PRKCH: variants seen among roughly 807,000 people sequenced by gnomAD.
PRKCH encodes protein kinase C eta type.
Under a neutral mutation model 82.5 loss-of-function variants are expected in PRKCH, and 28 were observed. The ratio of observed to expected loss-of-function variants is 0.34; its 90% CI spans 0.25 to 0.47. The LOEUF is 0.47. PRKCH is among the 20% of genes least tolerant of loss of function. The probability of loss-of-function intolerance (pLI) is 1.00; values close to 1 mark genes in which losing one functional copy is unlikely to be tolerated. For missense variants in PRKCH, 705 were observed against 881.8 expected (o/e 0.80, Z 2.54); for synonymous variants, 322 against 327.4 (o/e 0.98, Z 0.18).
Position 61,428,934 on chromosome 14 carries a change from T to A in PRKCH, c.428-14177T>A, listed in dbSNP as rs143508971. Among the ~76,000 whole-genome samples, 271 of 152,310 alleles carry A rather than the reference T, an allele frequency of 1.8e-3. 5 individuals carry two copies. The East Asian group carries it at 0.039, about 22-fold the overall frequency. ...TGGAGCAAGATATGTGTAACTATAG[T>A]TTTTTCTTTTTTTGCTTAGATGGTT... On this transcript the variant is annotated intron_variant, in intron 2 of 13. Transcript: ENST00000332981.
chr14:61,210,160 A>G (rs1210418317), intron 1 of PRKCH, among the ~76,000 whole-genome samples: 6 of 112,312 alleles, frequency 5.3e-5, no homozygotes, highest in African/African-American at 2.1e-4. Flanking sequence ...ATATATATAT[A>G]TAAATTAGCT....
At chr14:61,346,483 T>A (rs2045993820) in intron 1 of PRKCH, among the ~76,000 whole-genome samples, 1 of 152,230 alleles carries the variant, frequency 6.6e-6, no homozygotes. Flanking sequence ...AATGGTCTTA[T>A]TTTCCCTTTT....
chr14:61,317,977 G>T (rs546064264), upstream of PRKCH, among the ~76,000 whole-genome samples: 2 of 152,130 alleles, frequency 1.3e-5, no homozygotes, highest in Non-Finnish European at 2.9e-5. Context: ...CTGCTTAAAT[G>T]TATCAAGATA....
chr14:61,267,294 G>A (rs759246424), intron 1 of PRKCH, among the ~76,000 whole-genome samples: 1 of 152,150 alleles, frequency 6.6e-6, no homozygotes, highest in African/African-American at 2.4e-5. Context: ...AGAGTACAGC[G>A]AGATGTAATG....
chr14:61,434,397 G>A (rs1883574952), intron 2 of PRKCH, among the ~76,000 whole-genome samples: 1 of 151,936 alleles, frequency 6.6e-6, no homozygotes, highest in Admixed American at 6.6e-5. Flanking sequence ...GCTGAGGAAT[G>A]TTTAATTTTC....
At chr14:61,443,349 T>G in intron 3 of PRKCH, 88 bp downstream of exon 3, 2 of 1,296,220 alleles carry the variant, frequency 1.5e-6, no homozygotes, top group East Asian at 5.2e-5. Flanking sequence ...GAATGCATGA[T>G]TATTTAAGAA....
chr14:61,256,441 C>G (rs2044998561), intron 1 of PRKCH, among the ~76,000 whole-genome samples: 1 of 152,170 alleles, frequency 6.6e-6, no homozygotes. Context: ...TCTGTCATAG[C>G]TTTGGTTCCA....
intron 12 of PRKCH, among the ~76,000 whole-genome samples, chr14:61,546,528 A>G (rs2043260368): frequency 6.6e-6 from 1 of 152,128 alleles, no homozygotes; most frequent in South Asian, 2.1e-4. Flanking sequence ...CAACATTATC[A>G]TTTTCATTTG....
chr14:61,263,481 C>A (rs536540860), intron 1 of PRKCH, among the ~76,000 whole-genome samples: 44 of 152,180 alleles, frequency 2.9e-4, no homozygotes, highest in South Asian at 6.2e-4. Context: ...AGTTGAGGCT[C>A]AGAGAAGTTG....
chr14:61,437,999 C>T (rs1440138312), intron 2 of PRKCH, among the ~76,000 whole-genome samples: 2 of 152,146 alleles, frequency 1.3e-5, no homozygotes, highest in Admixed American at 1.3e-4. Flanking sequence ...CACAGTTACA[C>T]TAGGTAAGTT....
At chr14:61,413,633 T>G (rs949347779) in intron 2 of PRKCH, among the ~76,000 whole-genome samples, 2 of 151,976 alleles carry the variant, frequency 1.3e-5, no homozygotes, top group East Asian at 3.9e-4. Context: ...TTTCTTTAAC[T>G]TCTCCATTTC....
intron 1 of PRKCH, among the ~76,000 whole-genome samples, chr14:61,217,090 AAGAG>A (rs1288529005): frequency 1.3e-5 from 2 of 152,180 alleles, no homozygotes; most frequent in Non-Finnish European, 2.9e-5. Flanking sequence ...CCATTTTTAA[AAGAG>A]AGAGCGAGAG....
At chr14:61,187,725 G>C (rs1026535583) in intron 1 of PRKCH, 3 of 152,170 alleles carry the variant, frequency 2.0e-5, no homozygotes, top group Non-Finnish European at 4.4e-5. Flanking sequence ...ATCTTGTTCA[G>C]AGTTTTTCGA....
rs796604363 is a variant in PRKCH, at chr14:61,257,604, GACAC to G, written c.-19+69959_-19+69962del. Among the ~76,000 whole-genome samples the G allele has an allele frequency of 5.8e-4, 32 of 55,338 alleles. 1 individual carries two copies. Among genetic ancestry groups the G allele is most frequent in the East Asian group, 3.5e-3 (6 of 1,722 alleles). The allele number at this position is 55,338 out of a possible 152,430, so 36.3% of individuals were successfully genotyped here. On this transcript the variant is annotated intron_variant, in intron 1 of 3. Transcript: ENST00000555185. ...TCCCTCTCTCTCTCTGTCACACACA[GACAC>G]ACACACACACACACACACACACCCC...
chr14:61,376,259 G>A (rs2046427371), intron 1 of PRKCH, among the ~76,000 whole-genome samples: 1 of 152,094 alleles, frequency 6.6e-6, no homozygotes, highest in African/African-American at 2.4e-5. Flanking sequence ...TGCTGGTTCT[G>A]CTTTCTCTCA....
rs1011485451 is a variant in PRKCH, at chr14:61,457,694, C to T, written c.1278+15C>T. On this transcript the variant is annotated intron_variant, in intron 9 of 13. Transcript: ENST00000332981. The stretch of plus-strand genomic sequence containing the variant: ...TTCAGACCCCCGTAAGTATGAATCA[C>T]ATTCACTGCACCAACAGCCTCTTTT... 4.1e-5 allele frequency: 66 copies of T among 1,612,372 alleles called. No homozygotes were observed. The highest frequency in any genetic ancestry group is 5.4e-5 in the Non-Finnish European group (64 of 1,178,800).
chr14:61,257,974 A>ATT (rs34229311), intron 1 of PRKCH, among the ~76,000 whole-genome samples: 39 of 151,414 alleles, frequency 2.6e-4, no homozygotes, highest in East Asian at 2.1e-3. Flanking sequence ...CGTTTTATGG[A>ATT]TTTTTTTTTC....
Position 61,205,953 on chromosome 14 carries a change from C to A in PRKCH, c.-19+18285C>A, listed in dbSNP as rs559901100. ...CCTCACATGTGCTTCCTGGCATCAC[C>A]TCTCTAATACATCATCTTCAGCCAG... is the stretch of plus-strand genomic sequence containing the variant. On this transcript the variant is annotated intron_variant, in intron 1 of 3. Coordinates refer to the PRKCH transcript ENST00000555185. Among the ~76,000 whole-genome samples the A allele has an allele frequency of 2.6e-5, 4 of 152,308 alleles. No individual in the cohort carries two copies. The South Asian group carries it at 8.3e-4, about 32-fold the overall frequency.
intron 1 of PRKCH, among the ~76,000 whole-genome samples, chr14:61,295,942 C>G (rs61993666): frequency 0.042 from 6,349 of 152,104 alleles, 219 homozygotes; most frequent in East Asian, 0.14. Context: ...TTCAGGTAAG[C>G]CTGGAAGTTC....
Sources: allele counts gnomAD v4.1 joint callset (sites outside exome capture counted in the v4.1 genomes callset), GRCh38; gene constraint gnomAD v4.1.1; transcripts MANE v1.5; gene names NCBI Gene and HGNC (gene_info 2026-07-23, HGNC 2026-07-21).